The following RGS18 variants were observed in gnomAD, a reference collection of about 807,000 sequenced individuals.
RGS18 encodes regulator of G protein signaling 18, also known as regulator of G-protein signaling 18.
Under a neutral mutation model 27.6 loss-of-function variants are expected in RGS18, and 22 were observed. The ratio of observed to expected loss-of-function variants is 0.80; its 90% CI spans 0.57 to 1.14. The LOEUF is 1.14. RGS18 is among the 50% of genes most tolerant of loss of function. The probability of loss-of-function intolerance (pLI) is 0.00; values close to 1 mark genes in which losing one functional copy is unlikely to be tolerated. For missense variants in RGS18, 299 were observed against 269.6 expected (o/e 1.11, Z -0.76); for synonymous variants, 89 against 84.6 (o/e 1.05, Z -0.29).
At chr1:192,183,249 A>G (rs774439494) in intron 4 of RGS18, among the ~76,000 whole-genome samples, 14 of 151,620 alleles carry the variant, frequency 9.2e-5, no homozygotes, top group Non-Finnish European at 1.8e-4. Context: ...AGAACCAGAT[A>G]TATATGCAGT....
At chr1:192,181,531 AATT>A (rs1427347803) in intron 4 of RGS18, 73 bp downstream of exon 4, 4 of 1,029,624 alleles carry the variant, frequency 3.9e-6, no homozygotes, top group Non-Finnish European at 4.1e-6. Flanking sequence ...TTAAATTGTG[AATT>A]ATATTTTTCC....
intron 3 of RGS18, chr1:192,163,229 TA>T (rs958122836): frequency 6.6e-6 from 1 of 152,172 alleles, no homozygotes; most frequent in Non-Finnish European, 1.5e-5. Flanking sequence ...GCTGCTATTA[TA>T]AAAAATAATA....
chr1:192,177,926 T>A (rs575921823), intron 3 of RGS18, among the ~76,000 whole-genome samples: 1 of 151,752 alleles, frequency 6.6e-6, no homozygotes. Context: ...TGCAGCAAGA[T>A]ATTACTGATG....
intron 3 of RGS18, among the ~76,000 whole-genome samples, chr1:192,174,148 T>C (rs2102156985): frequency 6.6e-6 from 1 of 151,944 alleles, no homozygotes; most frequent in Middle Eastern, 3.4e-3. Context: ...TAATTTGCCT[T>C]GTGATTTCTC....
At chr1:192,181,536 T>C (rs912670148) in intron 4 of RGS18, 78 bp downstream of exon 4, 5 of 979,312 alleles carry the variant, frequency 5.1e-6, no homozygotes, top group Non-Finnish European at 7.2e-6. Context: ...TTGTGAATTA[T>C]ATTTTTCCAA....
intron 3 of RGS18, among the ~76,000 whole-genome samples, chr1:192,176,887 C>T (rs1411124918): frequency 6.6e-6 from 1 of 151,716 alleles, no homozygotes; most frequent in African/African-American, 2.4e-5. Context: ...TGAGCTTGTC[C>T]AAAGTCATAT....
chr1:192,175,010 C>G (rs964985003), intron 3 of RGS18, among the ~76,000 whole-genome samples: 2 of 151,768 alleles, frequency 1.3e-5, no homozygotes, highest in African/African-American at 4.8e-5. Context: ...TTAAGTAAAT[C>G]TATCTTCTAT....
At chr1:192,164,546 T>C (rs1311897799) in intron 3 of RGS18, among the ~76,000 whole-genome samples, 2 of 152,120 alleles carry the variant, frequency 1.3e-5, no homozygotes, top group Non-Finnish European at 2.9e-5. Context: ...AGTTCAAAAT[T>C]ATGCATCAGT....
chr1:192,165,056 G>A (rs1333754656), intron 3 of RGS18, among the ~76,000 whole-genome samples: 1 of 152,148 alleles, frequency 6.6e-6, no homozygotes, highest in Non-Finnish European at 1.5e-5. Flanking sequence ...AAATGGGTAA[G>A]AGAAATATCA....
intron 2 of RGS18, 49 bp downstream of exon 2, chr1:192,159,370 TA>T: frequency 7.9e-7 from 1 of 1,258,132 alleles, no homozygotes; most frequent in South Asian, 1.2e-5. Context: ...ATTCTATCAT[TA>T]AAGATTTAAG....
At chr1:192,173,116 T>C (rs1330012049) in intron 3 of RGS18, among the ~76,000 whole-genome samples, 1 of 151,736 alleles carries the variant, frequency 6.6e-6, no homozygotes, top group East Asian at 1.9e-4. Flanking sequence ...TTATTCTTGT[T>C]TCATTTTATA....
At chr1:192,164,344 A>G (rs1191320332) in intron 3 of RGS18, among the ~76,000 whole-genome samples, 1 of 152,178 alleles carries the variant, frequency 6.6e-6, no homozygotes. Flanking sequence ...ATACAATTTG[A>G]AAAGGGATGG....
intron 3 of RGS18, among the ~76,000 whole-genome samples, chr1:192,161,871 G>T (rs896565600): frequency 6.6e-6 from 1 of 151,842 alleles, no homozygotes; most frequent in Non-Finnish European, 1.5e-5. Flanking sequence ...GTTTTGTTTT[G>T]TTCCCTTCCT....
chr1:192,182,799 A>G (rs1369274651), intron 4 of RGS18, among the ~76,000 whole-genome samples: 1 of 151,604 alleles, frequency 6.6e-6, no homozygotes, highest in Non-Finnish European at 1.5e-5. Context: ...AGATTTTTAT[A>G]AGTGATGAAG....
At chr1:192,179,271 G>C (rs994873959) in intron 3 of RGS18, among the ~76,000 whole-genome samples, 5 of 151,484 alleles carry the variant, frequency 3.3e-5, no homozygotes, top group Admixed American at 1.3e-4. Context: ...AAGAGAAATG[G>C]GCTATAACTA....
chr1:192,164,172 G>A (rs1656122845), intron 3 of RGS18, among the ~76,000 whole-genome samples: 1 of 152,074 alleles, frequency 6.6e-6, no homozygotes, highest in African/African-American at 2.4e-5. Flanking sequence ...TGAAACCACA[G>A]GATGGATGGT....
intron 2 of RGS18, 128 bp downstream of exon 2, chr1:192,159,449 C>T: frequency 1.5e-6 from 1 of 651,334 alleles, no homozygotes; most frequent in Non-Finnish European, 2.7e-6. Context: ...TTAGAAATTT[C>T]ATTTGAAGAG....
chr1:192,177,181 A>G (rs1164440351), intron 3 of RGS18, among the ~76,000 whole-genome samples: 1 of 151,834 alleles, frequency 6.6e-6, no homozygotes. Context: ...TCATCAAGCT[A>G]AGAATTAACT....
At chr1:192,172,184 G>A (rs1354915813) in intron 3 of RGS18, among the ~76,000 whole-genome samples, 1 of 152,000 alleles carries the variant, frequency 6.6e-6, no homozygotes, top group Non-Finnish European at 1.5e-5. Flanking sequence ...TCCTCAATGT[G>A]GTGATGTTGG....
Sources: gnomAD v4.1 joint callset for allele counts (sites outside exome capture counted in the v4.1 genomes callset) on GRCh38, gnomAD v4.1.1 for gene constraint, MANE v1.5 for transcripts, NCBI Gene and HGNC (gene_info 2026-07-23, HGNC 2026-07-21) for gene names.